Variants in KIR2DL1 observed in about 807,000 individuals in gnomAD.
KIR2DL1 encodes the protein killer cell immunoglobulin-like receptor 2DL1.
In KIR2DL1, 38 loss-of-function variants were observed where a neutral mutation model predicts 33.9. The ratio of observed to expected loss-of-function variants is 1.12; its 90% CI spans 0.86 to 1.47. The LOEUF is 1.47. KIR2DL1 is among the 40% of genes most tolerant of loss of function. The pLI is 0.00. For synonymous variants in KIR2DL1, 179 were observed against 165.9 expected (o/e 1.08, Z -0.61); for missense variants, 531 against 433.9 (o/e 1.22, Z -1.99).
At chr19:54,783,381 G>A (rs2077266025) in intron 6 of KIR2DL1, 105 bp from the exon 7 acceptor site, 2 of 1,311,328 alleles carry the variant, frequency 1.5e-6, no homozygotes, top group Non-Finnish European at 1.1e-6. Flanking sequence ...GGCAACTGAG[G>A]GACCTCAGCC....
intron 4 of KIR2DL1, among the ~76,000 whole-genome samples, chr19:54,775,842 T>C (rs1327275739): frequency 2.0e-5 from 3 of 148,990 alleles, no homozygotes; most frequent in Non-Finnish European, 4.5e-5. Context: ...CCCTTTACTT[T>C]TCTTTGAAGA....
Position 54,773,632 on chromosome 19 carries a change from G to C in KIR2DL1, c.370G>C (p.Gly124Arg), listed in dbSNP as rs1443983003. ...PSDPLDIVII[G>R]LYEKPSLSAQ... ...TGACCCTCTGGACATCGTGATCATAGGTGAGAGTGTCCAGACTTTCTTCTC... is the reference window on the plus strand; with the variant it reads ...TGACCCTCTGGACATCGTGATCATACGTGAGAGTGTCCAGACTTTCTTCTC... Residue 124 changes from glycine (G) to arginine (R), a missense_variant and splice_region_variant, in exon 3 of 8, where the codon GGT becomes CGT. Physicochemically the swap from Gly to Arg is moderately radical, Grantham distance 125. Transcript: ENST00000336077. 2 of 1,568,764 alleles carry C rather than the reference G, an allele frequency of 1.3e-6. No individual in the cohort carries two copies. Among genetic ancestry groups the C allele is most frequent in the East Asian group, 4.5e-5 (2 of 44,134 alleles).
In KIR2DL1 at chr19:54,778,656, A is replaced by G. The variant is rs597681; in HGVS notation, c.709A>G (p.Lys237Glu). Reference sequence around the variant, plus strand: ...GCCTTCACCCACTGAACCAAGCTCCAAAACCGGTGAGTACAGAACCCTCTT... The same window carrying G: ...GCCTTCACCCACTGAACCAAGCTCCGAAACCGGTGAGTACAGAACCCTCTT... ...SWPSPTEPSSKTGNPRHLHIL... is the reference protein window; with the variant it reads ...SWPSPTEPSSETGNPRHLHIL... The change falls in exon 5 of 8, where the codon AAA becomes GAA. Residue 237 changes from lysine to glutamate, a missense_variant. Physicochemically the swap from Lys to Glu is moderately conservative, Grantham distance 56. Transcript: ENST00000336077. 0.069 allele frequency: 90,590 copies of G among 1,306,070 alleles called. 308 individuals carry two copies. Among genetic ancestry groups the G allele is most frequent in the South Asian group, 0.16 (11,172 of 67,780 alleles). The allele number at this position is 1,306,070 out of a possible 1,614,324, so 80.9% of individuals were successfully genotyped here.
At chr19:54,771,961 G>A (rs1410854227) in intron 2 of KIR2DL1, among the ~76,000 whole-genome samples, 22 of 148,090 alleles carry the variant, frequency 1.5e-4, no homozygotes, top group Middle Eastern at 6.9e-3. Context: ...TGGTGGGCGT[G>A]TCCTTGCGGG....
chr19:54,771,052 A>G (rs1373491203), intron 2 of KIR2DL1, among the ~76,000 whole-genome samples, 168 bp downstream of exon 2: 1 of 148,492 alleles, frequency 6.7e-6, no homozygotes, highest in Non-Finnish European at 1.5e-5. Context: ...TTCCCTTGGC[A>G]GAGTCAAGTT....
intron 4 of KIR2DL1, among the ~76,000 whole-genome samples, chr19:54,777,183 C>T (rs1287796578): frequency 6.7e-6 from 1 of 149,836 alleles, no homozygotes; most frequent in East Asian, 2.0e-4. Flanking sequence ...CTCCACCTCC[C>T]AGGTTCAAGC....
chr19:54,782,980 C>G lies in KIR2DL1; in HGVS notation c.774C>G (p.Ile258Met), dbSNP rs1335166867. ...IGTSVVIILF[I>M]LLFFLLHRWC... ...CCTCAGTGGTCATCATCCTCTTCATCCTCCTCTTCTTTCTCCTTCATCGCT... is the reference window on the plus strand; with the variant it reads ...CCTCAGTGGTCATCATCCTCTTCATGCTCCTCTTCTTTCTCCTTCATCGCT... Residue 258 changes from isoleucine to methionine, a missense_variant, in exon 6 of 8, where the codon ATC (isoleucine) becomes ATG (methionine). By Grantham distance (10) the Ile-to-Met change is conservative (BLOSUM62 1). Transcript: ENST00000336077. 2 of 1,613,672 alleles carry G rather than the reference C, an allele frequency of 1.2e-6. No homozygotes were observed. Among genetic ancestry groups the G allele is most frequent in the African/African-American group, 2.7e-5 (2 of 74,880 alleles).
At position 54,783,500 on chromosome 19, in the gene KIR2DL1, G is replaced by C. The variant is rs778461268; in HGVS notation, c.832G>C (p.Asp278His). 1 of 1,613,590 alleles carries C rather than the reference G, an allele frequency of 6.2e-7. No homozygotes were observed. Among genetic ancestry groups the C allele is most frequent in the South Asian group, 1.1e-5 (1 of 91,058 alleles). ...ATCTTCTACAGATGCTGCGGTAATG[G>C]ACCAAGAGTCTGCAGGAAACAGAAC... is the stretch of plus-strand genomic sequence containing the variant. The part of the protein sequence containing the change: ...CSNKKNAAVM[D>H]QESAGNRTAN... Residue 278 changes from aspartate (D) to histidine (H), a missense_variant, in exon 7 of 8, where the codon GAC becomes CAC. Physicochemically the swap from Asp to His is moderately conservative, Grantham distance 81 (BLOSUM62 -1). Transcript: ENST00000336077.
chr19:54,779,439 A>G (rs1329808915), intron 5 of KIR2DL1, among the ~76,000 whole-genome samples: 1 of 147,812 alleles, frequency 6.8e-6, no homozygotes, highest in African/African-American at 2.5e-5. Flanking sequence ...CTCAAAGCCC[A>G]CAAAGACTGG....
At chr19:54,782,665 C>A (rs2077132906) in intron 5 of KIR2DL1, among the ~76,000 whole-genome samples, 1 of 151,952 alleles carries the variant, frequency 6.6e-6, no homozygotes, top group South Asian at 2.1e-4. Context: ...CCCAACCTCC[C>A]ACAGTGGGGG....
At chr19:54,777,449 C>A (rs1005558949) in intron 4 of KIR2DL1, among the ~76,000 whole-genome samples, 1 of 149,146 alleles carries the variant, frequency 6.7e-6, no homozygotes, top group African/African-American at 2.5e-5. Flanking sequence ...TTGCGTTTCT[C>A]TGATGATGAG....
intron 5 of KIR2DL1, among the ~76,000 whole-genome samples, chr19:54,782,129 G>A (rs1401330530): frequency 6.6e-6 from 1 of 151,978 alleles, no homozygotes; most frequent in East Asian, 1.9e-4. Context: ...CATTTGCAGT[G>A]TAGCTGCGGG....
rs2076123327 is a variant in KIR2DL1 at position 54,774,674 on chromosome 19, C to A, written c.371-491C>A. On this transcript the variant is annotated intron_variant, in intron 3 of 7. Coordinates refer to ENST00000336077, the MANE Select transcript of KIR2DL1 (RefSeq NM_014218.3). ...GATACAGAGGCAGACATAGAGAAATCATAGAGAGAGAGAGATGATACATAG... is the reference window on the plus strand; with the variant it reads ...GATACAGAGGCAGACATAGAGAAATAATAGAGAGAGAGAGATGATACATAG... Among the ~76,000 whole-genome samples the A allele has an allele frequency of 1.4e-5, 2 of 147,068 alleles. 1 individual carries two copies. Among genetic ancestry groups the A allele is most frequent in the Non-Finnish European group, 3.0e-5 (2 of 65,806 alleles).
Position 54,776,490 on chromosome 19 carries a change from G to A in KIR2DL1, c.664+1032G>A, listed in dbSNP as rs576555264. 2.5e-4 allele frequency among the ~76,000 whole-genome samples: 37 copies of A among 147,062 alleles called. 4 individuals are homozygous for A. The highest frequency in any genetic ancestry group is 3.5e-3 in the Middle Eastern group (1 of 286). On this transcript the variant is annotated intron_variant, in intron 4 of 7. Coordinates refer to ENST00000336077, the MANE Select transcript of KIR2DL1 (RefSeq NM_014218.3). The stretch of plus-strand genomic sequence containing the variant: ...TCTCTCTATCCATTCACCCACTGAT[G>A]GGCAGGTAGGTTGACTCCTCATCTT...
chr19:54,783,460 G>C lies in KIR2DL1; in HGVS notation c.818-26G>C, dbSNP rs371393281. ...AGGACCCAGAAGTGCCCTCCGAGCT[G>C]TTTTGTTGACTTCCATCTTCTACAG... On this transcript the variant is annotated intron_variant, in intron 6 of 7. Transcript: ENST00000336077. 332 of 1,611,638 alleles carry C rather than the reference G, an allele frequency of 2.1e-4. 1 individual carries two copies. The highest frequency in any genetic ancestry group is 1.5e-3 in the African/African-American group (112 of 74,894).
chr19:54,770,971 C>G, intron 2 of KIR2DL1, 87 bp downstream of exon 2: 3 of 1,527,760 alleles, frequency 2.0e-6, no homozygotes, highest in Non-Finnish European at 1.8e-6. Flanking sequence ...CAGGGAGTCT[C>G]TCATAAACTA....
At chr19:54,772,438 A>C (rs2075844964) in intron 2 of KIR2DL1, among the ~76,000 whole-genome samples, 1 of 145,174 alleles carries the variant, frequency 6.9e-6, no homozygotes, top group Non-Finnish European at 1.5e-5. Flanking sequence ...CTGTCTCCAG[A>C]ATTGGAAGGG....
intron 2 of KIR2DL1, 69 bp from the exon 3 acceptor site, chr19:54,773,264 C>G: frequency 6.8e-7 from 1 of 1,473,872 alleles, no homozygotes; most frequent in Non-Finnish European, 9.3e-7. Flanking sequence ...GGAAGCCTGA[C>G]TCAATCCAGG....
At chr19:54,783,374 A>C (rs2077264784) in intron 6 of KIR2DL1, 112 bp from the exon 7 acceptor site, 2 of 1,212,900 alleles carry the variant, frequency 1.6e-6, no homozygotes, top group Admixed American at 4.0e-5. Flanking sequence ...TGCTGTTGGC[A>C]ACTGAGGGAC....
Sources: gnomAD v4.1 joint callset for allele counts (sites outside exome capture counted in the v4.1 genomes callset) on GRCh38, gnomAD v4.1.1 for gene constraint, MANE v1.5 for transcripts, NCBI Gene and HGNC (gene_info 2026-07-23, HGNC 2026-07-21) for gene names.